KANTR: variants seen among roughly 807,000 people sequenced by gnomAD.
KANTR encodes KDM5C adjacent transcript.
At chrX:53,140,471 A>C (rs1933486293) in intron 2 of KANTR, among the ~76,000 whole-genome samples, 1 of 102,760 alleles carries the variant, frequency 9.7e-6, no homozygotes, top group East Asian at 3.0e-4. Context: ...ACTGCCCTCC[A>C]GCCTGGGTAA....
intron 2 of KANTR, among the ~76,000 whole-genome samples, chrX:53,115,970 G>T (rs1412160202): frequency 8.9e-6 from 1 of 111,839 alleles, no homozygotes; most frequent in Non-Finnish European, 1.9e-5. Context: ...GGACTCCCAA[G>T]GTTTGTTGTT....
downstream of KANTR, among the ~76,000 whole-genome samples, chrX:53,131,341 A>G (rs1259101453): frequency 1.8e-5 from 2 of 111,312 alleles, no homozygotes; most frequent in African/African-American, 6.5e-5. Flanking sequence ...TAAAATGGAA[A>G]GTTCAAGAGA....
intron 2 of KANTR, among the ~76,000 whole-genome samples, chrX:53,119,044 CTTTTT>C (rs59837494): frequency 7.1e-5 from 5 of 70,472 alleles, no homozygotes; most frequent in Non-Finnish European, 1.1e-4. Flanking sequence ...ATTTTTCTTT[CTTTTT>C]TTTTTTTTTT....
chrX:53,112,289 C>T (rs1199456487), intron 2 of KANTR, among the ~76,000 whole-genome samples: 10 of 112,092 alleles, frequency 8.9e-5, no homozygotes, highest in Admixed American at 6.7e-4. Context: ...CAGGTTGCTG[C>T]GAATGCCATT....
chrX:53,094,341 G>A (rs1932831607), intron 1 of KANTR, 57 bp downstream of exon 1: 2 of 111,554 alleles, frequency 1.8e-5, no homozygotes, highest in African/African-American at 3.3e-5. Flanking sequence ...GAGGCCGGCC[G>A]AAGCGCGCGA....
At chrX:53,111,407 C>G (rs1556813767) in intron 2 of KANTR, among the ~76,000 whole-genome samples, 2 of 111,450 alleles carry the variant, frequency 1.8e-5, no homozygotes, top group South Asian at 3.8e-4. Flanking sequence ...GCTCCACCCC[C>G]TCACCACATT....
chrX:53,129,840 C>T (rs1933339116), downstream of KANTR, among the ~76,000 whole-genome samples: 1 of 82,712 alleles, frequency 1.2e-5, no homozygotes, highest in Admixed American at 1.5e-4. Flanking sequence ...AAAAAGTGTT[C>T]TCCTTACAAA....
chrX:53,107,449 C>T (rs113086165), intron 2 of KANTR, among the ~76,000 whole-genome samples: 2,621 of 104,130 alleles, frequency 0.025, 197 homozygotes, highest in African/African-American at 0.091. Context: ...AGCAGTTTAT[C>T]AATTTCTTTA....
At chrX:53,147,881 G>A (rs1471062797) in intron 3 of KANTR, among the ~76,000 whole-genome samples, 19 of 111,694 alleles carry the variant, frequency 1.7e-4, no homozygotes, top group East Asian at 2.8e-4. Flanking sequence ...GGTACATAAC[G>A]AAATGAAGGC....
intron 2 of KANTR, among the ~76,000 whole-genome samples, chrX:53,137,959 T>C (rs189424953): frequency 2.7e-5 from 3 of 111,273 alleles, no homozygotes; most frequent in Admixed American, 9.6e-5. Context: ...TCTCTTTTAT[T>C]GGTCTTTTCA....
At chrX:53,098,805 G>A (rs1338323642) in intron 1 of KANTR, among the ~76,000 whole-genome samples, 8 of 109,603 alleles carry the variant, frequency 7.3e-5, no homozygotes, top group Non-Finnish European at 9.5e-5. Context: ...GGCTCACTGC[G>A]GCCTCGACCT....
At chrX:53,117,746 G>A (rs782134451) in intron 2 of KANTR, among the ~76,000 whole-genome samples, 158 of 105,887 alleles carry the variant, frequency 1.5e-3, no homozygotes, top group African/African-American at 5.1e-3. Context: ...TCAGCCTCCC[G>A]AGTAGCTGGG....
At chrX:53,107,157 G>T (rs5933535) in intron 2 of KANTR, among the ~76,000 whole-genome samples, 6 of 107,037 alleles carry the variant, frequency 5.6e-5, no homozygotes, top group African/African-American at 1.4e-4. Context: ...CATTTTCATA[G>T]GAATTTTAGG....
At chrX:53,132,030 A>G (rs1933366078), downstream of KANTR, among the ~76,000 whole-genome samples, 1 of 112,298 alleles carries the variant, frequency 8.9e-6, no homozygotes, top group Non-Finnish European at 1.9e-5. Context: ...TTACAATAAC[A>G]TCTAAAAATA....
At chrX:53,112,767 C>T (rs1933062070) in intron 2 of KANTR, among the ~76,000 whole-genome samples, 1 of 111,279 alleles carries the variant, frequency 9.0e-6, no homozygotes, top group Non-Finnish European at 1.9e-5. Context: ...TATTTTGTAT[C>T]TTTCTCCAAA....
At chrX:53,134,443 A>G (rs1262486741) in intron 2 of KANTR, among the ~76,000 whole-genome samples, 1 of 111,300 alleles carries the variant, frequency 9.0e-6, no homozygotes, top group Non-Finnish European at 1.9e-5. Flanking sequence ...TGGGCAGGGG[A>G]AGGAGATGAG....
chrX:53,145,072 A>T (rs1933555338), downstream of KANTR, among the ~76,000 whole-genome samples: 1 of 111,838 alleles, frequency 8.9e-6, no homozygotes, highest in African/African-American at 3.3e-5. Flanking sequence ...AGCTCCCAGC[A>T]TGAGCGATGC....
downstream of KANTR, chrX:53,142,883 G>T (rs782165248): frequency 1.1e-5 from 6 of 538,915 alleles, no homozygotes; most frequent in South Asian, 1.5e-4. Context: ...ATCCACATCT[G>T]CTGGAAGGTG....
chrX:53,134,809 A>G (rs2146753965), intron 2 of KANTR, among the ~76,000 whole-genome samples: 1 of 111,842 alleles, frequency 8.9e-6, no homozygotes, highest in East Asian at 2.8e-4. Flanking sequence ...ATAATGTAAC[A>G]TGACCAGTGG....
Sources: allele counts gnomAD v4.1 joint callset (sites outside exome capture counted in the v4.1 genomes callset), GRCh38; gene constraint gnomAD v4.1.1; transcripts MANE v1.5; gene names NCBI Gene and HGNC (gene_info 2026-07-23, HGNC 2026-07-21).